Variants in TASP1 observed in about 807,000 individuals in gnomAD.
TASP1 encodes taspase 1, also known as threonine aspartase 1.
Under a neutral mutation model 56.6 loss-of-function variants are expected in TASP1, and 16 were observed. The observed-to-expected ratio is 0.28, with a 90% CI of 0.19 to 0.43. The LOEUF (loss-of-function observed/expected upper bound fraction) is 0.43. Among genes scored for constraint, TASP1 ranks in the 20% least tolerant of loss-of-function variants. TASP1 has a pLI of 1.00. For missense variants in TASP1, 393 were observed against 511.6 expected, an observed-to-expected ratio of 0.77 and a Z score of 2.24; for synonymous variants, 179 against 184.2, an observed-to-expected ratio of 0.97 and a Z score of 0.23.
the TASP1 span, among the ~76,000 whole-genome samples, chr20:13,150,369 T>C: frequency 6.6e-6 from 1 of 152,200 alleles, no homozygotes; most frequent in Non-Finnish European, 1.5e-5. Context: ...TAAGCATATA[T>C]ATATACACAG....
At chr20:13,438,559 A>C (rs1424990996) in intron 11 of TASP1, among the ~76,000 whole-genome samples, 1 of 152,244 alleles carries the variant, frequency 6.6e-6, no homozygotes, top group African/African-American at 2.4e-5. Flanking sequence ...ACCCTAGAAG[A>C]AAACCTAGGC....
the TASP1 span, among the ~76,000 whole-genome samples, chr20:13,194,639 T>C: frequency 6.6e-6 from 1 of 151,658 alleles, no homozygotes; most frequent in South Asian, 2.1e-4. Context: ...CACCCTAAGG[T>C]TGGAGAGTGA....
At chr20:13,296,225 T>A in the TASP1 span, among the ~76,000 whole-genome samples, 1 of 152,122 alleles carries the variant, frequency 6.6e-6, no homozygotes, top group Non-Finnish European at 1.5e-5. Context: ...CACCTCCAAC[T>A]GGCAACCCCT....
chr20:13,431,567 C>A lies in TASP1; in HGVS notation c.1096+3477G>T, dbSNP rs545484195. 2.0e-5 allele frequency among the ~76,000 whole-genome samples: 3 copies of A among 152,152 alleles called. No individual in the cohort carries two copies. The South Asian group carries it at 6.2e-4, about 32-fold the overall frequency. ...ATATAAGAAGGCAAATGTTAATAAT[C>A]ATAACAACAATGGTATTGTTGACAG... On this transcript the variant is annotated intron_variant, in intron 12 of 13. Coordinates refer to ENST00000337743, the MANE Select transcript of TASP1 (RefSeq NM_017714.3).
At chr20:13,270,576 C>T in the TASP1 span, 3 of 1,613,870 alleles carry the variant, frequency 1.9e-6, no homozygotes, top group African/African-American at 2.7e-5. Context: ...ACCAAGGGAG[C>T]ATCTGGACCA....
chr20:13,221,035 G>C, the TASP1 span, among the ~76,000 whole-genome samples: 1 of 152,048 alleles, frequency 6.6e-6, no homozygotes. Flanking sequence ...TGACAACCTC[G>C]GTGTGCCCGG....
intron 8 of TASP1, among the ~76,000 whole-genome samples, chr20:13,539,549 C>T (rs904864671): frequency 6.6e-6 from 1 of 152,098 alleles, no homozygotes; most frequent in South Asian, 2.1e-4. Context: ...GACACTATCT[C>T]TAAACAAGCA....
At chr20:13,409,416 G>A (rs1489291392) in intron 13 of TASP1, among the ~76,000 whole-genome samples, 1 of 151,826 alleles carries the variant, frequency 6.6e-6, no homozygotes, top group Non-Finnish European at 1.5e-5. Context: ...TCTTTTACTA[G>A]GCACATATAC....
At chr20:13,420,403 A>G (rs1304905164) in intron 12 of TASP1, among the ~76,000 whole-genome samples, 1 of 152,200 alleles carries the variant, frequency 6.6e-6, no homozygotes, top group Non-Finnish European at 1.5e-5. Flanking sequence ...AAATAACTCA[A>G]TGTCTAAAAT....
intron 11 of TASP1, among the ~76,000 whole-genome samples, chr20:13,478,217 T>C (rs1478142928): frequency 6.6e-6 from 1 of 152,084 alleles, no homozygotes; most frequent in African/African-American, 2.4e-5. Flanking sequence ...ACCAACCTAA[T>C]AGGTGTCCAC....
the TASP1 span, among the ~76,000 whole-genome samples, chr20:13,204,546 T>C: frequency 6.6e-6 from 1 of 151,026 alleles, no homozygotes; most frequent in South Asian, 2.1e-4. Context: ...TATATATATA[T>C]GTATATTTTT....
intron 4 of TASP1, among the ~76,000 whole-genome samples, chr20:13,596,467 T>C (rs2047736661): frequency 6.6e-6 from 1 of 151,380 alleles, no homozygotes. Context: ...GAAATAAAGA[T>C]GTTCTTTGAA....
Position 13,522,343 on chromosome 20 carries a change from G to A in TASP1, c.874+6090C>T, listed in dbSNP as rs145708777. Among the ~76,000 whole-genome samples the A allele has an allele frequency of 3.5e-4, 53 of 152,274 alleles. No individual in the cohort carries two copies. In the East Asian group the frequency reaches 0.01, roughly 29 times the overall value. On this transcript the variant is annotated intron_variant, in intron 10 of 13. Transcript: ENST00000337743. ...GCAAAAAGCAAGAGACCAGCTAGGA[G>A]GCTAGCAATGATCCAGATTAGAGAT...
the TASP1 span, among the ~76,000 whole-genome samples, chr20:13,243,612 A>T: frequency 6.6e-6 from 1 of 151,014 alleles, no homozygotes; most frequent in East Asian, 1.9e-4. Flanking sequence ...AATGCCATTG[A>T]CTGCCATGCA....
chr20:13,515,829 T>A (rs2044507351), intron 10 of TASP1, among the ~76,000 whole-genome samples: 1 of 152,086 alleles, frequency 6.6e-6, no homozygotes, highest in African/African-American at 2.4e-5. Context: ...CATGGACAAC[T>A]TTCATAGCAA....
the TASP1 span, among the ~76,000 whole-genome samples, chr20:13,380,748 C>T: frequency 6.6e-6 from 1 of 152,204 alleles, no homozygotes; most frequent in East Asian, 1.9e-4. Context: ...ACTGGGGCTG[C>T]TGCCTTTCTT....
chr20:13,358,579 T>G, the TASP1 span, among the ~76,000 whole-genome samples: 3 of 152,120 alleles, frequency 2.0e-5, no homozygotes, highest in African/African-American at 7.3e-5. Context: ...TAATTTCAAT[T>G]CCTTTCATTT....
In TASP1 at chr20:13,613,223, C is replaced by T. The variant is rs114381581; in HGVS notation, c.282+10223G>A. Among the ~76,000 whole-genome samples the T allele has an allele frequency of 8.5e-3, 1,291 of 152,238 alleles. 23 individuals carry two copies. The highest frequency in any genetic ancestry group is 0.029 in the African/African-American group (1,217 of 41,548). On this transcript the variant is annotated intron_variant, in intron 4 of 13. Coordinates refer to ENST00000337743, the MANE Select transcript of TASP1 (RefSeq NM_017714.3). ...GTATTGATCTAAAAAGCAGAATTTT[C>T]ATAACTGCAGCTAATTGGAAGTCAC...
intron 10 of TASP1, among the ~76,000 whole-genome samples, chr20:13,493,414 A>G (rs528240099): frequency 1.3e-5 from 2 of 152,284 alleles, no homozygotes; most frequent in Non-Finnish European, 2.9e-5. Context: ...AGCAGGGGGA[A>G]GAAGGTGGGA....
Sources: allele counts gnomAD v4.1 joint callset (sites outside exome capture counted in the v4.1 genomes callset), GRCh38; gene constraint gnomAD v4.1.1; transcripts MANE v1.5; gene names NCBI Gene and HGNC (gene_info 2026-07-23, HGNC 2026-07-21).